The following ARB2A variants were observed in gnomAD, a reference collection of about 807,000 sequenced individuals.
The protein encoded by ARB2A is cotranscriptional regulator ARB2A.
chr5:93,962,651 C>CT, the ARB2A span, among the ~76,000 whole-genome samples: 1 of 152,040 alleles, frequency 6.6e-6, no homozygotes, highest in Admixed American at 6.6e-5. Context: ...CGGGAGAAAG[C>CT]TAATAGCTAT....
chr5:94,033,417 T>C, the ARB2A span, among the ~76,000 whole-genome samples: 1 of 152,040 alleles, frequency 6.6e-6, no homozygotes, highest in Admixed American at 6.6e-5. Context: ...AATGAATATA[T>C]ATATATATGT....
the ARB2A span, among the ~76,000 whole-genome samples, chr5:93,795,908 A>G: frequency 6.6e-6 from 1 of 152,236 alleles, no homozygotes; most frequent in Non-Finnish European, 1.5e-5. Context: ...TCCATGGGGA[A>G]TGATTGGATT....
the ARB2A span, chr5:93,740,464 C>A: frequency 8.5e-7 from 1 of 1,172,420 alleles, no homozygotes; most frequent in East Asian, 2.4e-5. Context: ...CTTCTTTAGA[C>A]AGTGAATGAG....
chr5:93,836,968 A>G, the ARB2A span, among the ~76,000 whole-genome samples: 3 of 152,206 alleles, frequency 2.0e-5, no homozygotes, highest in Non-Finnish European at 4.4e-5. Context: ...TACTATTTGC[A>G]GCACTCAATC....
the ARB2A span, among the ~76,000 whole-genome samples, chr5:93,707,268 C>A: frequency 1.3e-5 from 2 of 152,122 alleles, no homozygotes; most frequent in African/African-American, 2.4e-5. Context: ...TTTGTATTTA[C>A]TTTTCACGAT....
At chr5:93,786,849 T>C in the ARB2A span, among the ~76,000 whole-genome samples, 1 of 152,144 alleles carries the variant, frequency 6.6e-6, no homozygotes, top group Admixed American at 6.5e-5. Context: ...GAATCAGGTT[T>C]GCTTAAGAGA....
At chr5:93,672,314 T>C in the ARB2A span, among the ~76,000 whole-genome samples, 5 of 150,368 alleles carry the variant, frequency 3.3e-5, no homozygotes, top group South Asian at 6.3e-4. Flanking sequence ...GCATCACTAA[T>C]GTTCTTTTTT....
chr5:93,996,190 T>C, the ARB2A span, among the ~76,000 whole-genome samples: 1 of 152,074 alleles, frequency 6.6e-6, no homozygotes, highest in Non-Finnish European at 1.5e-5. Context: ...CCCATATCTA[T>C]GTATGTCTAC....
the ARB2A span, among the ~76,000 whole-genome samples, chr5:93,970,462 A>C: frequency 6.6e-6 from 1 of 152,178 alleles, no homozygotes; most frequent in African/African-American, 2.4e-5. Flanking sequence ...AAAGTTTTTA[A>C]ACATCTGAAA....
the ARB2A span, among the ~76,000 whole-genome samples, chr5:93,789,682 G>A: frequency 7.2e-5 from 11 of 152,278 alleles, no homozygotes; most frequent in African/African-American, 2.6e-4. Flanking sequence ...TTACAAGTGT[G>A]CCCTGTAGAT....
the ARB2A span, among the ~76,000 whole-genome samples, chr5:93,851,270 A>T: frequency 6.6e-6 from 1 of 152,178 alleles, no homozygotes; most frequent in Admixed American, 6.5e-5. Context: ...GAAGTTTAGA[A>T]ATCATGGCCT....
the ARB2A span, among the ~76,000 whole-genome samples, chr5:94,026,698 C>G: frequency 4.5e-4 from 68 of 152,172 alleles, no homozygotes; most frequent in Non-Finnish European, 4.4e-5. Context: ...GACAAGTTCT[C>G]AATCTGGTCC....
chr5:93,868,299 G>A, the ARB2A span, among the ~76,000 whole-genome samples: 16 of 152,168 alleles, frequency 1.1e-4, no homozygotes, highest in African/African-American at 3.9e-4. Context: ...CAGCCTGGGT[G>A]ACAGGATGGG....
At chr5:93,762,823 G>C in the ARB2A span, among the ~76,000 whole-genome samples, 1 of 152,186 alleles carries the variant, frequency 6.6e-6, no homozygotes, top group Non-Finnish European at 1.5e-5. Flanking sequence ...TACCCACAAA[G>C]GGAAGCCCAT....
the ARB2A span, among the ~76,000 whole-genome samples, chr5:94,104,085 C>T: frequency 6.6e-6 from 1 of 150,516 alleles, no homozygotes; most frequent in African/African-American, 2.4e-5. Flanking sequence ...AACCTAAAAT[C>T]ACACCTAGAG....
chr5:94,068,427 T>C, the ARB2A span, among the ~76,000 whole-genome samples: 1 of 152,126 alleles, frequency 6.6e-6, no homozygotes, highest in Non-Finnish European at 1.5e-5. Flanking sequence ...GAGCGAAAGC[T>C]CAGCTCGAGC....
At chr5:93,969,364 G>A in the ARB2A span, among the ~76,000 whole-genome samples, 3 of 151,940 alleles carry the variant, frequency 2.0e-5, no homozygotes, top group Non-Finnish European at 2.9e-5. Context: ...AAGAAACACT[G>A]GAAAGAAAAA....
At chr5:94,106,887 A>C in the ARB2A span, among the ~76,000 whole-genome samples, 8 of 151,046 alleles carry the variant, frequency 5.3e-5, no homozygotes, top group African/African-American at 1.7e-4. Context: ...AAAAAAAAAA[A>C]AAAAACAAAT....
the ARB2A span, among the ~76,000 whole-genome samples, chr5:93,961,994 A>G: frequency 2.0e-5 from 3 of 152,200 alleles, no homozygotes; most frequent in East Asian, 5.8e-4. Flanking sequence ...CTATAAAGAT[A>G]GTGCTAATTT....
Sources: allele counts gnomAD v4.1 joint callset (sites outside exome capture counted in the v4.1 genomes callset), GRCh38; gene constraint gnomAD v4.1.1; transcripts MANE v1.5; gene names NCBI Gene and HGNC (gene_info 2026-07-23, HGNC 2026-07-21).